The following AKR1B15 variants were observed in gnomAD, a reference collection of about 807,000 sequenced individuals.
AKR1B15 encodes aldo-keto reductase family 1 member B15, also known as estradiol 17-beta-dehydrogenase AKR1B15.
A neutral mutation model predicts 38.5 loss-of-function variants in AKR1B15; 49 were observed. That is an observed-to-expected ratio of 1.27 (90% CI 1.01 to 1.62). The LOEUF is 1.62. AKR1B15 is among the 40% of genes most tolerant of loss of function. The pLI, the probability that AKR1B15 is intolerant of heterozygous loss-of-function variation, is 0.00. For missense variants in AKR1B15, 411 were observed against 381.6 expected (o/e 1.08, Z -0.64); for synonymous variants, 137 against 135.5 (o/e 1.01, Z -0.08).
At chr7:134,579,457 T>C (rs746208004) in intron 11 of AKR1B15, 50 bp from the exon 12 acceptor site, 18 of 1,483,062 alleles carry the variant, frequency 1.2e-5, no homozygotes, top group Non-Finnish European at 1.6e-5. Context: ...CAGCGAGAGT[T>C]GTTGCTTTGA....
At chr7:134,563,392 A>G (rs1272432794) in intron 2 of AKR1B15, among the ~76,000 whole-genome samples, 2 of 152,172 alleles carry the variant, frequency 1.3e-5, no homozygotes, top group Non-Finnish European at 1.5e-5. Flanking sequence ...TACTAAAAAT[A>G]CAAAAGTTAG....
intron 3 of AKR1B15, among the ~76,000 whole-genome samples, chr7:134,566,177 C>G (rs1794530033): frequency 6.6e-6 from 1 of 152,076 alleles, no homozygotes; most frequent in African/African-American, 2.4e-5. Flanking sequence ...AGCTGTAGTC[C>G]CAGCCACTTG....
chr7:134,559,093 C>A (rs1232185732), intron 2 of AKR1B15, among the ~76,000 whole-genome samples: 1 of 152,102 alleles, frequency 6.6e-6, no homozygotes, highest in East Asian at 1.9e-4. Context: ...CTAAAAAGAG[C>A]TTAATAATCA....
At chr7:134,572,753 T>A (rs1794692540) in intron 6 of AKR1B15, among the ~76,000 whole-genome samples, 1 of 152,226 alleles carries the variant, frequency 6.6e-6, no homozygotes, top group African/African-American at 2.4e-5. Context: ...ATGTTTTCTC[T>A]GGCCATTTTT....
At chr7:134,578,539 C>A (rs563686762) in intron 11 of AKR1B15, among the ~76,000 whole-genome samples, 2 of 152,126 alleles carry the variant, frequency 1.3e-5, no homozygotes, top group Non-Finnish European at 2.9e-5. Flanking sequence ...TCTGGCTAGG[C>A]GGGAATTCTA....
chr7:134,559,396 C>T (rs889872048), intron 2 of AKR1B15, among the ~76,000 whole-genome samples: 39 of 152,098 alleles, frequency 2.6e-4, no homozygotes, highest in Non-Finnish European at 4.4e-5. Context: ...TAAATTATGA[C>T]GACCAAAACA....
intron 6 of AKR1B15, among the ~76,000 whole-genome samples, chr7:134,575,090 T>A (rs1794735055): frequency 6.6e-6 from 1 of 152,240 alleles, no homozygotes; most frequent in Non-Finnish European, 1.5e-5. Flanking sequence ...TGTTGATTTT[T>A]ATTTATTTTT....
intron 2 of AKR1B15, among the ~76,000 whole-genome samples, chr7:134,558,247 T>C (rs924123776): frequency 6.6e-6 from 1 of 152,216 alleles, no homozygotes; most frequent in Non-Finnish European, 1.5e-5. Context: ...TGCGCCTTGG[T>C]GGAAGAAATC....
At chr7:134,556,200 G>A (rs1340023679) in intron 1 of AKR1B15, among the ~76,000 whole-genome samples, 2 of 152,062 alleles carry the variant, frequency 1.3e-5, no homozygotes, top group African/African-American at 2.4e-5. Context: ...AGAGAGAGTC[G>A]ATTTAACTGT....
intron 11 of AKR1B15, 100 bp from the exon 12 acceptor site, chr7:134,579,407 C>A: frequency 9.6e-7 from 1 of 1,038,886 alleles, no homozygotes; most frequent in Non-Finnish European, 1.4e-6. Context: ...GGCTGAGAGA[C>A]CACAAATACC....
intron 2 of AKR1B15, among the ~76,000 whole-genome samples, chr7:134,560,122 C>A (rs1345096079): frequency 6.7e-6 from 1 of 150,234 alleles, no homozygotes; most frequent in Non-Finnish European, 1.5e-5. Flanking sequence ...AAAAAAAAAA[C>A]TATTAGCGAA....
At chr7:134,550,426 T>A (rs1276892915) in intron 1 of AKR1B15, among the ~76,000 whole-genome samples, 1 of 152,020 alleles carries the variant, frequency 6.6e-6, no homozygotes, top group South Asian at 2.1e-4. Context: ...TGCTTTCGAG[T>A]CGTGGAGACA....
In AKR1B15 at chr7:134,567,458, G is replaced by A. The variant is rs536549971; in HGVS notation, c.151-700G>A. ...CCAAAATGATCATTGTATAATGGACGGCCTGTACTGAGCCTGTGTGTCAGG... is the reference window on the plus strand; with the variant it reads ...CCAAAATGATCATTGTATAATGGACAGCCTGTACTGAGCCTGTGTGTCAGG... On this transcript the variant is annotated intron_variant, in intron 3 of 11. Coordinates refer to ENST00000457545, the MANE Select transcript of AKR1B15 (RefSeq NM_001080538.3). 5.9e-5 allele frequency among the ~76,000 whole-genome samples: 9 copies of A among 151,972 alleles called. No individual in the cohort carries two copies. The South Asian group carries it at 1.0e-3, about 18-fold the overall frequency.
intron 10 of AKR1B15, 93 bp from the exon 11 acceptor site, chr7:134,577,611 A>G: frequency 1.4e-6 from 2 of 1,416,270 alleles, no homozygotes; most frequent in Non-Finnish European, 9.8e-7. Flanking sequence ...TGTGCTGTGA[A>G]TGTGAGCTCC....
rs564324972 is a variant in AKR1B15, at chr7:134,564,716, T to C, written c.97T>C (p.Ser33Pro). Residue 33 changes from serine (S) to proline (P), a missense_variant, in exon 3 of 12, where the codon TCC becomes CCC. Physicochemically the swap from Ser to Pro is moderately conservative, Grantham distance 74. Transcript: ENST00000457545. ...TGGCCCTTTGACTGGCCTAAAGAGT[T>C]CCCTTCTGAAGGACACTACAAGTGC... Reference protein sequence around the residue: ...PVGPLTGLKSSLLKDTTSAGP... With the variant: ...PVGPLTGLKSPLLKDTTSAGP... 3.0e-4 allele frequency: 210 copies of C among 697,450 alleles called. 4 individuals carry two copies. The highest frequency in any genetic ancestry group is 2.8e-3 in the South Asian group (184 of 66,256). 43.2% of individuals were successfully genotyped at this position (697,450 alleles called of 1,614,324 possible).
Position 134,576,340 on chromosome 7 carries a change from T to C in AKR1B15, c.744-9T>C. On this transcript the variant is annotated splice_polypyrimidine_tract_variant and intron_variant, in intron 8 of 11. Coordinates refer to ENST00000457545, the MANE Select transcript of AKR1B15 (RefSeq NM_001080538.3). ...GTGATTATTCACATCAGCATCTTTC[T>C]GCCCCTAGGGCCAAACCTGAGGACC... 1 of 1,613,666 alleles carries C rather than the reference T, an allele frequency of 6.2e-7. No homozygotes were observed. The highest frequency in any genetic ancestry group is 8.5e-7 in the Non-Finnish European group (1 of 1,179,672).
chr7:134,560,901 G>A (rs1008086087), intron 2 of AKR1B15, among the ~76,000 whole-genome samples: 2 of 152,152 alleles, frequency 1.3e-5, no homozygotes, highest in African/African-American at 4.8e-5. Flanking sequence ...ATTGATCTTT[G>A]GAGCCAAGGC....
At chr7:134,562,846 C>CTTTCTTTCTT (rs943285257) in intron 2 of AKR1B15, among the ~76,000 whole-genome samples, 1 of 91,888 alleles carries the variant, frequency 1.1e-5, no homozygotes, top group Admixed American at 9.4e-5. Flanking sequence ...TTCTTTCTTT[C>CTTTCTTTCTT]TTTCTTTCTT....
chr7:134,575,768 C>A, intron 7 of AKR1B15, 53 bp from the exon 8 acceptor site: 1 of 1,603,246 alleles, frequency 6.2e-7, no homozygotes, highest in Non-Finnish European at 8.5e-7. Context: ...TCCCTAGGAA[C>A]AATGCAAAAC....
Sources: allele counts gnomAD v4.1 joint callset (sites outside exome capture counted in the v4.1 genomes callset), GRCh38; gene constraint gnomAD v4.1.1; transcripts MANE v1.5; gene names NCBI Gene and HGNC (gene_info 2026-07-23, HGNC 2026-07-21).